Variants in SF3B3 observed in about 807,000 individuals in gnomAD.
SF3B3 encodes the protein splicing factor 3b subunit 3, also known as SAP 130.
SF3B3 carries 33 observed loss-of-function variants against 139.2 expected under a neutral mutation model. The ratio of observed to expected loss-of-function variants is 0.24; its 90% CI spans 0.18 to 0.32. The LOEUF is 0.32. Ranked by LOEUF, SF3B3 falls within the 10% of genes least tolerant of loss-of-function variation. The probability of loss-of-function intolerance (pLI) is 1.00; values close to 1 mark genes in which losing one functional copy is unlikely to be tolerated. For synonymous variants in SF3B3, 596 were observed against 563.6 expected (o/e 1.06, Z -0.81); for missense variants, 818 against 1,509.4 (o/e 0.54, Z 7.59).
At chr16:70,524,721 C>A (rs1184114625) in intron 1 of SF3B3, 1 of 152,228 alleles carries the variant, frequency 6.6e-6, no homozygotes. Context: ...CGCTTTGTCG[C>A]CCAGGCTGGA....
At chr16:70,556,803 T>G (rs2050383076) in intron 14 of SF3B3, 83 bp from the exon 15 acceptor site, 3 of 1,514,268 alleles carry the variant, frequency 2.0e-6, no homozygotes, top group Non-Finnish European at 2.7e-6. Context: ...ACTTTTTCAA[T>G]CCTAGAATTA....
At chr16:70,541,614 T>C in intron 8 of SF3B3, 55 bp from the exon 9 acceptor site, 1 of 1,437,186 alleles carries the variant, frequency 7.0e-7, no homozygotes, top group Non-Finnish European at 9.7e-7. Flanking sequence ...TGCCAGACAT[T>C]ATCGTCAGGC....
At chr16:70,546,551 C>T (rs967969167) in intron 10 of SF3B3, among the ~76,000 whole-genome samples, 6 of 152,044 alleles carry the variant, frequency 3.9e-5, no homozygotes, top group African/African-American at 1.4e-4. Context: ...ACTCAGGAGA[C>T]TAAGGCAGGA....
chr16:70,565,321 C>T, intron 19 of SF3B3, 47 bp from the exon 20 acceptor site: 4 of 1,613,506 alleles, frequency 2.5e-6, no homozygotes, highest in Non-Finnish European at 3.4e-6. Context: ...CAGGAGCTCT[C>T]TGAGTTTTGA....
intron 11 of SF3B3, among the ~76,000 whole-genome samples, chr16:70,551,105 T>C (rs780769303): frequency 6.6e-6 from 1 of 152,164 alleles, no homozygotes; most frequent in Non-Finnish European, 1.5e-5. Flanking sequence ...GAGCTTCAGG[T>C]ATCTGGATGG....
intron 15 of SF3B3, among the ~76,000 whole-genome samples, chr16:70,559,230 A>G (rs2050405693): frequency 6.6e-6 from 1 of 152,236 alleles, no homozygotes; most frequent in Admixed American, 6.5e-5. Context: ...TTGGAATTCT[A>G]AAGACAAAAT....
intron 9 of SF3B3, among the ~76,000 whole-genome samples, chr16:70,542,112 C>T (rs184757856): frequency 1.1e-4 from 16 of 152,282 alleles, no homozygotes; most frequent in Admixed American, 3.3e-4. Context: ...AAGTCCTCCC[C>T]GTAATCTTCT....
chr16:70,538,197 C>A lies in SF3B3; in HGVS notation c.826-126C>A, dbSNP rs150312398. On this transcript the variant is annotated intron_variant, in intron 6 of 25. Transcript: ENST00000302516. Reference sequence around the variant, plus strand: ...TTCCAGTGCTCTGGCTGGCAGGACACTGTGGATCAAAGCTTGTGCCTTTAG... The same window carrying A: ...TTCCAGTGCTCTGGCTGGCAGGACAATGTGGATCAAAGCTTGTGCCTTTAG... 3.5e-6 allele frequency: 3 copies of A among 850,016 alleles called. No individual in the cohort carries two copies. The African/African-American group carries it at 5.0e-5, about 14-fold the overall frequency. 52.7% of individuals were successfully genotyped at this position (850,016 alleles called of 1,614,324 possible).
At chr16:70,539,295 C>T (rs1358554426) in intron 8 of SF3B3, 88 bp downstream of exon 8, 1 of 932,216 alleles carries the variant, frequency 1.1e-6, no homozygotes, top group East Asian at 2.4e-5. Context: ...CGGCCATAAT[C>T]CTAGCACTTT....
At chr16:70,554,156 A>G (rs2050357845) in intron 11 of SF3B3, 1 of 261,744 alleles carries the variant, frequency 3.8e-6, no homozygotes, top group East Asian at 9.1e-5. Context: ...TCAATATTGT[A>G]GTATTTAAAA....
intron 23 of SF3B3, 55 bp downstream of exon 23, chr16:70,569,196 C>T: frequency 3.1e-6 from 4 of 1,272,454 alleles, no homozygotes; most frequent in Admixed American, 2.1e-5. Context: ...TTTCCTGTTG[C>T]CCTCACTGAA....
At chr16:70,556,802 A>C in intron 14 of SF3B3, 84 bp from the exon 15 acceptor site, 1 of 1,511,910 alleles carries the variant, frequency 6.6e-7, no homozygotes, top group Non-Finnish European at 9.1e-7. Context: ...TACTTTTTCA[A>C]TCCTAGAATT....
intron 10 of SF3B3, 139 bp downstream of exon 10, chr16:70,544,672 G>A (rs1046863927): frequency 2.1e-4 from 125 of 608,428 alleles, no homozygotes; most frequent in Middle Eastern, 3.0e-4. Flanking sequence ...TGACTTCCCC[G>A]AAGTTTATAC....
rs562605444 is a variant in SF3B3 at position 70,556,865 on chromosome 16, T to C, written c.1867-21T>C. The C allele has an allele frequency of 5.9e-5, 95 of 1,613,916 alleles. No individual in the cohort carries two copies. In the South Asian group the frequency reaches 9.4e-4, roughly 16 times the overall value. On this transcript the variant is annotated intron_variant, in intron 14 of 25. Transcript: ENST00000302516. ...AAAATTGTCATTTTCTGTGTTTTTA[T>C]GATTTTTCTCTCCCTCTCAGGACTG... is the stretch of plus-strand genomic sequence containing the variant.
chr16:70,558,288 T>A (rs200434498), intron 15 of SF3B3, among the ~76,000 whole-genome samples: 38 of 150,094 alleles, frequency 2.5e-4, no homozygotes, highest in Non-Finnish European at 4.1e-4. Flanking sequence ...TTTTTTTCTT[T>A]AAAAAAAAAT....
In SF3B3 at chr16:70,576,066, G is replaced by A. The variant is rs1369332773; in HGVS notation, c.*4253G>A. The A allele has an allele frequency of 2.0e-5, 3 of 150,780 alleles. No homozygotes were observed. The highest frequency in any genetic ancestry group is 2.0e-4 in the East Asian group (1 of 5,126). 9.3% of individuals were successfully genotyped at this position (150,780 alleles called of 1,614,324 possible). A position where few individuals can be genotyped will look rare whatever the true frequency, so the allele number is the denominator to read the frequency against. On this transcript the variant is annotated 3_prime_UTR_variant, in exon 26 of 26. Coordinates refer to ENST00000302516, the MANE Select transcript of SF3B3 (RefSeq NM_012426.5). ...ATCTCTACAAAAAATTCAAAAAGCC[G>A]GGCGTGAAGCCCTGTTTTTTTTTTT...
At position 70,526,687 on chromosome 16, in the gene SF3B3, G is replaced by T; in HGVS notation, c.31G>T (p.Ala11Ser). Residue 11 changes from alanine (A) to serine (S), a missense_variant, in exon 2 of 26, where the codon GCC becomes TCC. Coordinates refer to ENST00000302516, the MANE Select transcript of SF3B3 (RefSeq NM_012426.5). ...TCTGTACAACTTAACCTTGCAGAGA[G>T]CCACTGGCATCAGCTTTGCCATTCA... is the stretch of plus-strand genomic sequence containing the variant. MFLYNLTLQR[A>S]TGISFAIHGN... The T allele has an allele frequency of 6.2e-7, 1 of 1,614,146 alleles. No homozygotes were observed. The highest frequency in any genetic ancestry group is 1.1e-5 in the South Asian group (1 of 91,074).
At chr16:70,571,626 T>A (rs201304291) in intron 25 of SF3B3, 47 bp from the exon 26 acceptor site, 2 of 1,581,734 alleles carry the variant, frequency 1.3e-6, no homozygotes, top group African/African-American at 2.7e-5. Context: ...GCCATTTTCT[T>A]TGGGCATCTC....
intron 8 of SF3B3, among the ~76,000 whole-genome samples, chr16:70,540,160 T>C (rs924697997): frequency 5.4e-5 from 8 of 148,140 alleles, no homozygotes; most frequent in Non-Finnish European, 1.0e-4. Context: ...TTTGGGAGGT[T>C]GAGGCGGGCG....
Sources: allele counts gnomAD v4.1 joint callset (sites outside exome capture counted in the v4.1 genomes callset), GRCh38; gene constraint gnomAD v4.1.1; transcripts MANE v1.5; gene names NCBI Gene and HGNC (gene_info 2026-07-23, HGNC 2026-07-21).